The following TIMM10 variants were observed in gnomAD, a reference collection of about 807,000 sequenced individuals.
TIMM10 encodes the protein mitochondrial import inner membrane translocase subunit Tim10.
Under a neutral mutation model 9.1 loss-of-function variants are expected in TIMM10, and 13 were observed. The ratio of observed to expected loss-of-function variants is 1.42; its 90% CI spans 0.93 to 2.26. The LOEUF is 2.26. TIMM10 is among the 30% of genes most tolerant of loss of function. The pLI is 0.00. For synonymous variants in TIMM10, 40 were observed against 42.1 expected (o/e 0.95, Z 0.20); for missense variants, 82 against 113.6 (o/e 0.72, Z 1.26).
At position 57,528,687 on chromosome 11, in the gene TIMM10, TACA is replaced by T; in HGVS notation, c.*27_*29del. Reference sequence around the variant, plus strand: ...TTTATTAAAGTGGGAAGGGGTGGGGTACACCCCAGGGTGTATACTGACAGGGAC... The same window carrying T: ...TTTATTAAAGTGGGAAGGGGTGGGGTCCCCAGGGTGTATACTGACAGGGAC... On this transcript the variant is annotated 3_prime_UTR_variant, in exon 3 of 3. Transcript: ENST00000257245. 1 of 1,609,502 alleles carries T rather than the reference TACA, an allele frequency of 6.2e-7. No homozygotes were observed. The highest frequency in any genetic ancestry group is 1.1e-5 in the South Asian group (1 of 90,918).
intron 2 of TIMM10, 109 bp downstream of exon 2, chr11:57,530,010 G>A: frequency 8.2e-7 from 1 of 1,220,488 alleles, no homozygotes; most frequent in Non-Finnish European, 1.2e-6. Context: ...GTAAGCATGG[G>A]CCTCAGGCTC....
Position 57,530,157 on chromosome 11 carries a change from C to T in TIMM10, c.33G>A (p.Ala11=), listed in dbSNP as rs1565151373. The T allele has an allele frequency of 1.2e-6, 2 of 1,614,028 alleles. No homozygotes were observed. The highest frequency in any genetic ancestry group is 1.7e-6 in the Non-Finnish European group (2 of 1,180,020). ...CGGCCATCATCTCCACCTCCAGCTCCGCAGCCAGCTGTTGGGCCCTGAGAG... is the reference window on the plus strand; with the variant it reads ...CGGCCATCATCTCCACCTCCAGCTCTGCAGCCAGCTGTTGGGCCCTGAGAG... MDPLRAQQLA[A]ELEVEMMADM... Residue 11 remains alanine, a synonymous_variant, in exon 2 of 3, where the codon GCG becomes GCA. Transcript: ENST00000257245.
rs10547275 is a variant in TIMM10 at position 57,528,483 on chromosome 11, T to TTATA, written c.*230_*233dup. 2,017 of 150,154 alleles carry TTATA rather than the reference T, an allele frequency of 0.013. 26 individuals carry two copies. The highest frequency in any genetic ancestry group is 0.045 in the Admixed American group (632 of 14,058). The allele number at this position is 150,154 out of a possible 1,614,324, so 9.3% of individuals were successfully genotyped here. ...ACATAGTAGGTGTCAACAAACTTGT[T>TTATA]TATATATATATATATATATATATAT... On this transcript the variant is annotated 3_prime_UTR_variant, in exon 3 of 3. Coordinates refer to ENST00000257245, the MANE Select transcript of TIMM10 (RefSeq NM_012456.3).
chr11:57,530,006 A>T, intron 2 of TIMM10, 113 bp downstream of exon 2: 1 of 1,173,854 alleles, frequency 8.5e-7, no homozygotes, highest in Non-Finnish European at 1.3e-6. Flanking sequence ...GAGGGTAAGC[A>T]TGGGCCTCAG....
chr11:57,530,274 T>TCA (rs1944786728), intron 1 of TIMM10, 40 bp from the exon 2 acceptor site: 2 of 1,392,654 alleles, frequency 1.4e-6, no homozygotes, highest in African/African-American at 1.4e-5. Context: ...CCGCCGCCGT[T>TCA]CACTCTCCTA....
intron 1 of TIMM10, chr11:57,530,437 G>A (rs1270004705): frequency 1.9e-6 from 1 of 512,880 alleles, no homozygotes; most frequent in African/African-American, 1.9e-5. Context: ...TGGAAATCGA[G>A]CCCCGGATCT....
intron 1 of TIMM10, 54 bp from the exon 2 acceptor site, chr11:57,530,288 C>T: frequency 3.1e-6 from 4 of 1,279,682 alleles, no homozygotes; most frequent in Non-Finnish European, 4.5e-6. Flanking sequence ...TCTCCTACCC[C>T]TGGGGCTAGA....
At position 57,528,924 on chromosome 11, in the gene TIMM10, G is replaced by A. The variant is rs767667502; in HGVS notation, c.72-6C>T. 3 of 1,612,440 alleles carry A rather than the reference G, an allele frequency of 1.9e-6. No individual in the cohort carries two copies. Among genetic ancestry groups the A allele is most frequent in the Non-Finnish European group, 8.5e-7 (1 of 1,179,896 alleles). ...GGTGGCAGGCACTGGTCATTCTGGA[G>A]GGAGGGAGGGGCAAGGTCATGTCAG... is the stretch of plus-strand genomic sequence containing the variant. On this transcript the variant is annotated splice_polypyrimidine_tract_variant and splice_region_variant and intron_variant, in intron 2 of 2. Transcript: ENST00000257245.
intron 1 of TIMM10, 121 bp from the exon 2 acceptor site, chr11:57,530,355 T>C: frequency 1.6e-6 from 1 of 613,620 alleles, no homozygotes; most frequent in Non-Finnish European, 2.9e-6. Flanking sequence ...CTCAGTGAGC[T>C]TAACCACCCC....
chr11:57,530,287 C>T, intron 1 of TIMM10, 53 bp from the exon 2 acceptor site: 1 of 1,285,956 alleles, frequency 7.8e-7, no homozygotes, highest in Non-Finnish European at 1.1e-6. Context: ...CTCTCCTACC[C>T]CTGGGGCTAG....
In TIMM10 at chr11:57,528,732, G is replaced by A; in HGVS notation, c.258C>T (p.Ser86=). ...DEELMKRVQQ[S]SGPA is the part of the protein sequence containing the mutation. The stretch of plus-strand genomic sequence containing the variant: ...GACAGGGACCTCATGCAGGCCCAGA[G>A]CTCTGCTGCACCCTCTTCATCAGCT... Residue 86 remains serine, a synonymous_variant, in exon 3 of 3, where the codon AGC becomes AGT. Transcript: ENST00000257245. The A allele has an allele frequency of 6.2e-7, 1 of 1,613,788 alleles. No homozygotes were observed. The highest frequency in any genetic ancestry group is 1.3e-5 in the African/African-American group (1 of 74,996).
At chr11:57,530,389 G>C (rs764247622) in intron 1 of TIMM10, 155 bp from the exon 2 acceptor site, 9 of 565,400 alleles carry the variant, frequency 1.6e-5, no homozygotes, top group Non-Finnish European at 2.9e-5. Flanking sequence ...GGAAACTGAG[G>C]CCTAGCCCAA....
chr11:57,530,293 G>T (rs1480779521), intron 1 of TIMM10, 59 bp from the exon 2 acceptor site: 2 of 1,211,214 alleles, frequency 1.7e-6, no homozygotes, highest in East Asian at 2.4e-5. Context: ...TACCCCTGGG[G>T]CTAGAGGATA....
At chr11:57,528,976 T>C (rs1343665689) in intron 2 of TIMM10, 58 bp from the exon 3 acceptor site, 3 of 1,579,202 alleles carry the variant, frequency 1.9e-6, no homozygotes, top group South Asian at 1.1e-5. Context: ...CCCAGGAACC[T>C]TGACCATTCC....
In TIMM10 at chr11:57,530,118, C is replaced by T; in HGVS notation, c.71+1G>A. On this transcript the variant is annotated splice_donor_variant, in intron 2 of 2. Transcript: ENST00000257245. LOFTEE classifies it high-confidence loss of function. ...ACAGGGTAGCACATAGTTCTCTTTA[C>T]CTGTTGTACATATCGGCCATCATCT... 2 of 1,614,102 alleles carry T rather than the reference C, an allele frequency of 1.2e-6. No individual in the cohort carries two copies. Among genetic ancestry groups the T allele is most frequent in the Non-Finnish European group, 1.7e-6 (2 of 1,179,962 alleles).
Position 57,528,614 on chromosome 11 carries a change from G to T in TIMM10, c.*103C>A. 1.7e-6 allele frequency: 2 copies of T among 1,148,298 alleles called. No homozygotes were observed. The highest frequency in any genetic ancestry group is 2.5e-6 in the Non-Finnish European group (2 of 788,574). The allele number at this position is 1,148,298 out of a possible 1,614,324, so 71.1% of individuals were successfully genotyped here. A position where few individuals can be genotyped will look rare whatever the true frequency, so the allele number is the denominator to read the frequency against. On this transcript the variant is annotated 3_prime_UTR_variant, in exon 3 of 3. Transcript: ENST00000257245. ...CGGGATCTTGAAGACTCTCTACAGA[G>T]AGCCTAGGCCTGGCAGTCTTCACAG...
intron 2 of TIMM10, 44 bp from the exon 3 acceptor site, chr11:57,528,962 A>T (rs775119671): frequency 2.5e-6 from 4 of 1,603,788 alleles, no homozygotes; most frequent in Non-Finnish European, 1.7e-6. Flanking sequence ...GCATCCTGTG[A>T]CATCCCAGGA....
chr11:57,530,329 AC>A, intron 1 of TIMM10, 95 bp from the exon 2 acceptor site: 1 of 734,384 alleles, frequency 1.4e-6, no homozygotes, highest in Non-Finnish European at 2.3e-6. Flanking sequence ...GCGCCAGACC[AC>A]CACGGGCCAC....
intron 2 of TIMM10, among the ~76,000 whole-genome samples, chr11:57,529,431 C>G (rs1225508180): frequency 1.3e-5 from 2 of 152,174 alleles, no homozygotes; most frequent in Non-Finnish European, 2.9e-5. Context: ...AGGCTAAGGG[C>G]TTTCATATAT....
Sources: allele counts gnomAD v4.1 joint callset (sites outside exome capture counted in the v4.1 genomes callset), GRCh38; gene constraint gnomAD v4.1.1; transcripts MANE v1.5; gene names NCBI Gene and HGNC (gene_info 2026-07-23, HGNC 2026-07-21).